Variants in SYT1 observed in about 807,000 individuals in gnomAD.
SYT1 encodes synaptotagmin 1.
Under a neutral mutation model 44.8 loss-of-function variants are expected in SYT1, and 8 were observed. The observed-to-expected ratio is 0.18, with a 90% CI of 0.10 to 0.32. SYT1 has a LOEUF of 0.32. SYT1 is among the 10% of genes least tolerant of loss of function. SYT1 has a pLI of 1.00. For missense variants in SYT1, 286 were observed against 509.3 expected, an observed-to-expected ratio of 0.56 and a Z score of 4.22; for synonymous variants, 154 against 188.8, an observed-to-expected ratio of 0.82 and a Z score of 1.51.
At chr12:79,176,289 CA>C (rs11389898) in intron 3 of SYT1, among the ~76,000 whole-genome samples, 311 of 139,122 alleles carry the variant, frequency 2.2e-3, no homozygotes, top group East Asian at 3.9e-3. Context: ...AATTCTGTCT[CA>C]AAAAAAAAAA....
At chr12:79,338,513 T>A (rs921897358) in intron 8 of SYT1, among the ~76,000 whole-genome samples, 1 of 151,950 alleles carries the variant, frequency 6.6e-6, no homozygotes, top group Non-Finnish European at 1.5e-5. Flanking sequence ...GCTCAAGTGA[T>A]CCTCCCACCC....
intron 9 of SYT1, among the ~76,000 whole-genome samples, chr12:79,420,847 C>A (rs1869065237): frequency 6.6e-6 from 1 of 152,054 alleles, no homozygotes; most frequent in Non-Finnish European, 1.5e-5. Context: ...GATATTTACT[C>A]CTTTGCCTTC....
At chr12:79,095,437 G>A (rs1878061193) in intron 3 of SYT1, among the ~76,000 whole-genome samples, 1 of 151,736 alleles carries the variant, frequency 6.6e-6, no homozygotes, top group African/African-American at 2.4e-5. Context: ...ATTTACGTGT[G>A]TCTCTTCTTT....
Position 78,944,091 on chromosome 12 carries a change from G to A in SYT1, c.-216-33708G>A, listed in dbSNP as rs931219613. ...TATTGATAAATAATATTTAAAATTA[G>A]TTTATTCTTATAAAGATTTCAGAAT... is the stretch of plus-strand genomic sequence containing the variant. On this transcript the variant is annotated intron_variant, in intron 1 of 10. Transcript: ENST00000261205. Among the ~76,000 whole-genome samples, 5 of 151,914 alleles carry A rather than the reference G, an allele frequency of 3.3e-5. No homozygotes were observed. The East Asian group carries it at 9.7e-4, about 30-fold the overall frequency.
chr12:79,356,458 A>G (rs1372479621), intron 9 of SYT1, among the ~76,000 whole-genome samples: 1 of 152,162 alleles, frequency 6.6e-6, no homozygotes, highest in Non-Finnish European at 1.5e-5. Flanking sequence ...CAAAGGAGCT[A>G]TGGCCTGAAA....
In SYT1 at chr12:78,873,064, G is replaced by A. The variant is rs115734916; in HGVS notation, c.-217+7955G>A. On this transcript the variant is annotated intron_variant, in intron 1 of 10. Coordinates refer to ENST00000261205, the MANE Select transcript of SYT1 (RefSeq NM_005639.3). ...ACAAGTTACTGTGTTCATGACAGGC[G>A]TGCAGCACTGTATTTTTATTTGTTT... is the stretch of plus-strand genomic sequence containing the variant. Among the ~76,000 whole-genome samples, 442 of 151,640 alleles carry A rather than the reference G, an allele frequency of 2.9e-3. 1 individual carries two copies. Among genetic ancestry groups the A allele is most frequent in the African/African-American group, 0.01 (422 of 41,438 alleles).
intron 3 of SYT1, among the ~76,000 whole-genome samples, chr12:79,141,681 C>T (rs1032855094): frequency 3.0e-4 from 46 of 152,054 alleles, no homozygotes; most frequent in African/African-American, 1.0e-3. Flanking sequence ...ACATGAAAAA[C>T]AAGATGATAT....
At chr12:79,209,025 C>G (rs1317271987) in intron 3 of SYT1, among the ~76,000 whole-genome samples, 1 of 152,134 alleles carries the variant, frequency 6.6e-6, no homozygotes, top group African/African-American at 2.4e-5. Flanking sequence ...TTAGGTTAGC[C>G]AAACTGCTGT....
intron 8 of SYT1, among the ~76,000 whole-genome samples, chr12:79,330,117 G>A (rs960671665): frequency 6.6e-6 from 1 of 152,142 alleles, no homozygotes; most frequent in African/African-American, 2.4e-5. Context: ...AAAATCAGAA[G>A]CTTGTGTTTG....
chr12:78,875,444 G>A (rs1158175829), intron 1 of SYT1, among the ~76,000 whole-genome samples: 2 of 151,536 alleles, frequency 1.3e-5, no homozygotes, highest in African/African-American at 2.4e-5. Flanking sequence ...CAGAGCAATA[G>A]TGGGGAATGT....
intron 1 of SYT1, among the ~76,000 whole-genome samples, chr12:78,935,533 G>A (rs932545383): frequency 2.0e-5 from 3 of 152,068 alleles, no homozygotes; most frequent in Non-Finnish European, 4.4e-5. Context: ...TACAAGAATG[G>A]ATATGAATAA....
At chr12:79,069,689 A>G (rs927633472) in intron 3 of SYT1, among the ~76,000 whole-genome samples, 1 of 152,134 alleles carries the variant, frequency 6.6e-6, no homozygotes, top group Non-Finnish European at 1.5e-5. Flanking sequence ...ACAAATGAAC[A>G]CATAATAAGT....
At chr12:79,290,599 T>G (rs1031713634) in intron 5 of SYT1, among the ~76,000 whole-genome samples, 1 of 152,190 alleles carries the variant, frequency 6.6e-6, no homozygotes, top group African/African-American at 2.4e-5. Context: ...TAAGATTCCT[T>G]TACTTTATCA....
At chr12:79,061,958 G>A (rs549531847) in intron 3 of SYT1, among the ~76,000 whole-genome samples, 10 of 152,208 alleles carry the variant, frequency 6.6e-5, no homozygotes, top group African/African-American at 2.2e-4. Flanking sequence ...TAGAACAAGC[G>A]AAGGAGAAGA....
At chr12:79,250,369 C>T (rs1877126882) in intron 4 of SYT1, among the ~76,000 whole-genome samples, 2 of 152,138 alleles carry the variant, frequency 1.3e-5, no homozygotes, top group African/African-American at 4.8e-5. Flanking sequence ...TAAACATATT[C>T]CTCCGTATTC....
intron 4 of SYT1, among the ~76,000 whole-genome samples, chr12:79,282,546 G>C (rs1204919488): frequency 6.6e-6 from 1 of 152,086 alleles, no homozygotes; most frequent in Non-Finnish European, 1.5e-5. Context: ...TTTTCTGCCT[G>C]TAGCAGTATT....
At chr12:78,868,806 T>G (rs1158214013) in intron 1 of SYT1, 1 of 151,634 alleles carries the variant, frequency 6.6e-6, no homozygotes, top group East Asian at 1.9e-4. Flanking sequence ...GAGCCTAGAG[T>G]TTTTTTCTTT....
intron 1 of SYT1, among the ~76,000 whole-genome samples, chr12:78,934,148 A>ATG (rs925809110): frequency 2.7e-5 from 4 of 149,692 alleles, no homozygotes; most frequent in Non-Finnish European, 3.0e-5. Flanking sequence ...GTGTGTGTGT[A>ATG]TGTGCGTGTG....
chr12:79,419,411 C>T, intron 9 of SYT1: 2 of 402,582 alleles, frequency 5.0e-6, no homozygotes, highest in South Asian at 3.7e-5. Flanking sequence ...CTCACAGTAT[C>T]CGGCAGCAGG....
Sources: gnomAD v4.1 joint callset for allele counts (sites outside exome capture counted in the v4.1 genomes callset) on GRCh38, gnomAD v4.1.1 for gene constraint, MANE v1.5 for transcripts, NCBI Gene and HGNC (gene_info 2026-07-23, HGNC 2026-07-21) for gene names.